The following TRABD2A variants were observed in gnomAD, a reference collection of about 807,000 sequenced individuals.
The protein encoded by TRABD2A is metalloprotease TIKI1.
TRABD2A carries 43 observed loss-of-function variants against 45.6 expected under a neutral mutation model. The ratio of observed to expected loss-of-function variants is 0.94; its 90% CI spans 0.74 to 1.22. The LOEUF is 1.22. Ranked by LOEUF, TRABD2A falls within the 50% of genes most tolerant of loss-of-function variation. TRABD2A has a pLI of 0.00. For synonymous variants in TRABD2A, 269 were observed against 265.0 expected (o/e 1.02, Z -0.15); for missense variants, 642 against 652.4 (o/e 0.98, Z 0.17).
chr2:84,879,925 G>C (rs934127263), intron 1 of TRABD2A, among the ~76,000 whole-genome samples: 1 of 152,174 alleles, frequency 6.6e-6, no homozygotes, highest in African/African-American at 2.4e-5. Context: ...GAGGCAGACC[G>C]GGGAGCTGCG....
chr2:84,874,380 TCC>T (rs1220527734), intron 1 of TRABD2A, among the ~76,000 whole-genome samples: 4 of 152,184 alleles, frequency 2.6e-5, no homozygotes, highest in Non-Finnish European at 4.4e-5. Context: ...GCCTGGACTG[TCC>T]CACTGCCTGC....
intron 2 of TRABD2A, among the ~76,000 whole-genome samples, chr2:84,868,374 G>A (rs1682753879): frequency 6.7e-6 from 1 of 149,772 alleles, no homozygotes; most frequent in African/African-American, 2.5e-5. Context: ...TTCACAGGTG[G>A]GAATTGAACA....
At chr2:84,876,982 T>A (rs1021953193) in intron 1 of TRABD2A, among the ~76,000 whole-genome samples, 2 of 152,214 alleles carry the variant, frequency 1.3e-5, no homozygotes, top group African/African-American at 4.8e-5. Context: ...TACTACTACA[T>A]AGGAGCTCAA....
At chr2:84,838,767 T>C (rs983184174) in intron 4 of TRABD2A, among the ~76,000 whole-genome samples, 5 of 152,192 alleles carry the variant, frequency 3.3e-5, no homozygotes, top group South Asian at 4.1e-4. Context: ...CCCCAGGCCT[T>C]GGACTTGGGA....
At chr2:84,848,580 CAGAG>C (rs142079006) in intron 2 of TRABD2A, among the ~76,000 whole-genome samples, 2,419 of 142,250 alleles carry the variant, frequency 0.017, 35 homozygotes, top group Non-Finnish European at 0.022. Flanking sequence ...GAGAGAGAGA[CAGAG>C]AGAGAGAAAG....
At chr2:84,824,333 G>A in intron 5 of TRABD2A, 129 bp from the exon 6 acceptor site, 5 of 1,316,148 alleles carry the variant, frequency 3.8e-6, no homozygotes, top group Non-Finnish European at 5.1e-6. Flanking sequence ...GGCCAGGAAG[G>A]GCAGAAATTA....
At chr2:84,872,345 C>T (rs1429293281) in intron 1 of TRABD2A, among the ~76,000 whole-genome samples, 1 of 152,012 alleles carries the variant, frequency 6.6e-6, no homozygotes, top group Admixed American at 6.6e-5. Context: ...CCCATCTCTA[C>T]AAAAAATACC....
intron 4 of TRABD2A, chr2:84,838,128 G>A: frequency 1.5e-6 from 1 of 680,198 alleles, no homozygotes; most frequent in Non-Finnish European, 2.7e-6. Context: ...ATTCTTTAAG[G>A]ATGGAGCTTT....
At chr2:84,847,446 G>A (rs181576831) in intron 2 of TRABD2A, among the ~76,000 whole-genome samples, 3 of 152,298 alleles carry the variant, frequency 2.0e-5, no homozygotes, top group Admixed American at 2.0e-4. Flanking sequence ...TCTTCCAGGA[G>A]GGCCATCCTG....
chr2:84,861,873 TA>T (rs1359799093), intron 2 of TRABD2A, among the ~76,000 whole-genome samples: 4 of 152,330 alleles, frequency 2.6e-5, no homozygotes, highest in African/African-American at 9.6e-5. Context: ...TCTCTCCTGT[TA>T]GGATTCCTCA....
intron 2 of TRABD2A, among the ~76,000 whole-genome samples, chr2:84,855,792 CCCA>C (rs1682278122): frequency 6.6e-6 from 1 of 152,126 alleles, no homozygotes; most frequent in African/African-American, 2.4e-5. Context: ...TGTGGGGAGA[CCCA>C]AGTCCCAGTT....
chr2:84,845,416 G>A (rs1259485071), intron 2 of TRABD2A, among the ~76,000 whole-genome samples: 1 of 152,122 alleles, frequency 6.6e-6, no homozygotes, highest in South Asian at 2.1e-4. Context: ...AAGATATCAG[G>A]TACTCCCCTA....
intron 5 of TRABD2A, among the ~76,000 whole-genome samples, chr2:84,828,432 G>C (rs2105371749): frequency 6.6e-6 from 1 of 152,286 alleles, no homozygotes; most frequent in South Asian, 2.1e-4. Flanking sequence ...TGCCGAGGAG[G>C]GGAAGAAGGA....
In TRABD2A at chr2:84,821,952, C is replaced by T. The variant is rs751587281; in HGVS notation, c.1483G>A (p.Val495Met). 6.2e-7 allele frequency: 1 copy of T among 1,604,698 alleles called. No homozygotes were observed. The highest frequency in any genetic ancestry group is 1.7e-5 in the Admixed American group (1 of 58,710). ...SLWTPVFWVL[V>M]LAFQTETPLL Reference sequence around the variant, plus strand: ...GGTGTCTCTGTTTGGAAAGCCAGCACCAGCACCCAGAACACAGGAGTCCAG... The same window carrying T: ...GGTGTCTCTGTTTGGAAAGCCAGCATCAGCACCCAGAACACAGGAGTCCAG... Residue 495 changes from valine to methionine, a missense_variant, in exon 7 of 7, where the codon GTG (valine) becomes ATG (methionine). By Grantham distance (21) the Val-to-Met change is conservative. Transcript: ENST00000409520.
Position 84,881,032 on chromosome 2 carries a change from G to T in TRABD2A, c.8C>A (p.Pro3His). ...GGTCTGCAGCAGGAACCAGCTCCAG[G>T]GACTCATCCTCCTCAAGGCGGCTCC... is the stretch of plus-strand genomic sequence containing the variant. MS[P>H]WSWFLLQTLC... The change falls in exon 1 of 7, where the codon CCC becomes CAC. Residue 3 changes from proline to histidine, a missense_variant. Coordinates refer to ENST00000409520, the MANE Select transcript of TRABD2A (RefSeq NM_001277053.2). 1 of 1,603,266 alleles carries T rather than the reference G, an allele frequency of 6.2e-7. No individual in the cohort carries two copies. The highest frequency in any genetic ancestry group is 8.5e-7 in the Non-Finnish European group (1 of 1,175,878).
Position 84,841,964 on chromosome 2 carries a change from A to G in TRABD2A, c.713T>C (p.Leu238Pro). 6.5e-7 allele frequency: 1 copy of G among 1,543,810 alleles called. No individual in the cohort carries two copies. The highest frequency in any genetic ancestry group is 8.7e-7 in the Non-Finnish European group (1 of 1,144,066). Residue 238 changes from leucine to proline, a missense_variant, in exon 3 of 7, where the codon CTG becomes CCG. By Grantham distance (98) the Leu-to-Pro change is moderately conservative. Transcript: ENST00000409520. Reference sequence around the variant, plus strand: ...GGGGATCTGAAGACTGCCTGCTCGCAGGCTTTCCTGCTGCAGGAGGGTCTG... The same window carrying G: ...GGGGATCTGAAGACTGCCTGCTCGCGGGCTTTCCTGCTGCAGGAGGGTCTG... ...LNQTLLQQESLRAGSLQIPYT... is the reference protein window; with the variant it reads ...LNQTLLQQESPRAGSLQIPYT...
At position 84,870,692 on chromosome 2, in the gene TRABD2A, C is replaced by A; in HGVS notation, c.202G>T (p.Asp68Tyr). The change falls in exon 2 of 7, where the codon GAC (aspartate) becomes TAC (tyrosine). Residue 68 changes from aspartate to tyrosine, a missense_variant. Coordinates refer to ENST00000409520, the MANE Select transcript of TRABD2A (RefSeq NM_001277053.2). Reference protein sequence around the residue: ...TIHVPYTRVWDFIPDNSKEAF... With the variant: ...TIHVPYTRVWYFIPDNSKEAF... Reference sequence around the variant, plus strand: ...TCCTTAGAGTTGTCGGGGATGAAGTCCCAAACTCGGGTGTACGGGACATGG... The same window carrying A: ...TCCTTAGAGTTGTCGGGGATGAAGTACCAAACTCGGGTGTACGGGACATGG... The A allele has an allele frequency of 6.2e-7, 1 of 1,606,186 alleles. No individual in the cohort carries two copies. The highest frequency in any genetic ancestry group is 8.5e-7 in the Non-Finnish European group (1 of 1,176,254).
Position 84,824,114 on chromosome 2 carries a change from G to A in TRABD2A, c.1173C>T (p.Ala391=), listed in dbSNP as rs748011854. 6 of 1,613,946 alleles carry A rather than the reference G, an allele frequency of 3.7e-6. No individual in the cohort carries two copies. In the South Asian group the frequency reaches 4.4e-5, roughly 12 times the overall value. The change falls in exon 6 of 7, where the codon GCC becomes GCT. Residue 391 remains alanine, a synonymous_variant. Transcript: ENST00000409520. ...GCAGCGTTGAGTGCCCTGAGGATAC[G>A]GCTTCTGGTGCCGGTACTTCCAGGG... is the stretch of plus-strand genomic sequence containing the variant. The part of the protein sequence containing the change: ...VPTLEVPAPE[A]VSSGHSTLPP...
At chr2:84,876,264 A>T (rs1683023108) in intron 1 of TRABD2A, among the ~76,000 whole-genome samples, 1 of 152,198 alleles carries the variant, frequency 6.6e-6, no homozygotes, top group Non-Finnish European at 1.5e-5. Context: ...CTTTAAAGCC[A>T]TGGGACTAGA....
Sources: allele counts gnomAD v4.1 joint callset (sites outside exome capture counted in the v4.1 genomes callset), GRCh38; gene constraint gnomAD v4.1.1; transcripts MANE v1.5; gene names NCBI Gene and HGNC (gene_info 2026-07-23, HGNC 2026-07-21).